JUP: variants seen among roughly 807,000 people sequenced by gnomAD.
JUP encodes the protein catenin (cadherin-associated protein), gamma 80kDa.
In JUP, 28 loss-of-function variants were observed where a neutral mutation model predicts 71.1. The observed-to-expected ratio is 0.39, with a 90% confidence interval of 0.29 to 0.54. The LOEUF is 0.54. Among genes scored for constraint, JUP ranks in the 20% least tolerant of loss-of-function variants. JUP has a pLI of 0.62. For synonymous variants in JUP, 401 were observed against 438.9 expected (o/e 0.91, Z 1.08); for missense variants, 869 against 1,030.1 (o/e 0.84, Z 2.14).
Position 41,755,197 on chromosome 17 carries a change from C to T in JUP, c.*547G>A. ...TTGCTGGGGGAAAACAGAATGGGTA[C>T]TTGAGTCTGAAGCTTTAGTGGCCAG... On this transcript the variant is annotated 3_prime_UTR_variant, in exon 14 of 14. Transcript: ENST00000393931. 5.0e-6 allele frequency: 2 copies of T among 398,550 alleles called. No individual in the cohort carries two copies. Among genetic ancestry groups the T allele is most frequent in the Admixed American group, 4.4e-5 (1 of 22,728 alleles). 24.7% of individuals were successfully genotyped at this position (398,550 alleles called of 1,614,324 possible).
chr17:41,758,685 G>T, intron 9 of JUP, 30 bp downstream of exon 9: 1 of 1,596,206 alleles, frequency 6.3e-7, no homozygotes, highest in Non-Finnish European at 8.5e-7. Context: ...CCCCCAGGAA[G>T]GCTGTCAGAG....
chr17:41,772,769 T>C, intron 1 of JUP: 1 of 981,276 alleles, frequency 1.0e-6, no homozygotes, highest in African/African-American at 1.7e-5. Context: ...CTGTGGGTGG[T>C]CACTGCCGTC....
At chr17:41,783,283 G>A (rs927117904) in intron 1 of JUP, among the ~76,000 whole-genome samples, 1 of 117,076 alleles carries the variant, frequency 8.5e-6, no homozygotes, top group African/African-American at 3.4e-5. Context: ...ATAATGATAC[G>A]CGTTTTTTTT....
rs1409727547 is a variant in JUP at position 41,758,763 on chromosome 17, G to A, written c.1605C>T (p.His535=). 3 of 1,609,130 alleles carry A rather than the reference G, an allele frequency of 1.9e-6. No homozygotes were observed. The African/African-American group carries it at 4.0e-5, about 21-fold the overall frequency. ...PRLVQLLVKA[H]QDAQRHVAAG... Reference sequence around the variant, plus strand: ...CAGCTACGTGGCGCTGGGCATCCTGGTGGGCCTTCACCAGCAGTTGGACGA... The same window carrying A: ...CAGCTACGTGGCGCTGGGCATCCTGATGGGCCTTCACCAGCAGTTGGACGA... Residue 535 remains histidine, a synonymous_variant, in exon 9 of 14, where the codon CAC becomes CAT. Coordinates refer to ENST00000393931, the MANE Select transcript of JUP (RefSeq NM_002230.4).
At chr17:41,759,791 C>T (rs1438850751) in intron 8 of JUP, among the ~76,000 whole-genome samples, 1 of 152,132 alleles carries the variant, frequency 6.6e-6, no homozygotes, top group Non-Finnish European at 1.5e-5. Flanking sequence ...AAATGACTTG[C>T]CAAAGTCACT....
At chr17:41,772,850 G>T in intron 1 of JUP, 1 of 985,448 alleles carries the variant, frequency 1.0e-6, no homozygotes, top group South Asian at 4.7e-5. Context: ...GCCGAACTTT[G>T]TACCAGGGAG....
chr17:41,770,319 T>C (rs1555606330), intron 2 of JUP, among the ~76,000 whole-genome samples: 1 of 152,152 alleles, frequency 6.6e-6, no homozygotes, highest in Admixed American at 6.5e-5. Context: ...CAGGTTCCTC[T>C]CTAGCTTCCA....
Position 41,755,375 on chromosome 17 carries a change from C to T in JUP, c.*369G>A, listed in dbSNP as rs1490293571. On this transcript the variant is annotated 3_prime_UTR_variant, in exon 14 of 14. Transcript: ENST00000393931. ...TACACCCCGGCTTCCCCAGCTCAGGCACTTTTCTGTCTTGCCCCATCGCCT... is the reference window on the plus strand; with the variant it reads ...TACACCCCGGCTTCCCCAGCTCAGGTACTTTTCTGTCTTGCCCCATCGCCT... The T allele has an allele frequency of 4.9e-6, 2 of 405,144 alleles. No individual in the cohort carries two copies. Among genetic ancestry groups the T allele is most frequent in the Admixed American group, 4.2e-5 (1 of 23,728 alleles). The allele number at this position is 405,144 out of a possible 1,614,324, so 25.1% of individuals were successfully genotyped here.
intron 1 of JUP, among the ~76,000 whole-genome samples, chr17:41,780,375 G>C (rs2047100458): frequency 6.6e-6 from 1 of 151,732 alleles, no homozygotes; most frequent in African/African-American, 2.4e-5. Context: ...CTAGCCTAAG[G>C]GACAGAGCGA....
intron 1 of JUP, chr17:41,786,242 G>A (rs35500915): frequency 0.54 from 81,728 of 151,990 alleles, 22,401 homozygotes; most frequent in Middle Eastern, 0.69. Context: ...CTGGGACGCA[G>A]TCGAAGCAGA....
intron 7 of JUP, among the ~76,000 whole-genome samples, chr17:41,763,763 C>A (rs1242839946): frequency 6.6e-6 from 1 of 152,218 alleles, no homozygotes; most frequent in East Asian, 1.9e-4. Context: ...CGCTTGTCAC[C>A]TTTCTGGGCC....
Position 41,758,794 on chromosome 17 carries a change from G to C in JUP, c.1574C>G (p.Pro525Arg), listed in dbSNP as rs781932589. 6.2e-7 allele frequency: 1 copy of C among 1,611,884 alleles called. No homozygotes were observed. Among genetic ancestry groups the C allele is most frequent in the South Asian group, 1.1e-5 (1 of 90,726 alleles). ...CTTCACCAGCAGTTGGACGAGGCGG[G>C]GGATGACCGCTGCCTCCTGCAGCGG... ...HAPLQEAAVI[P>R]RLVQLLVKAH... is the part of the protein sequence containing the mutation. Residue 525 changes from proline (P) to arginine (R), a missense_variant, in exon 9 of 14, where the codon CCC becomes CGC. Pro to Arg is a moderately radical substitution (Grantham distance 103, BLOSUM62 -2). Coordinates refer to ENST00000393931, the MANE Select transcript of JUP (RefSeq NM_002230.4).
At position 41,762,963 on chromosome 17, in the gene JUP, CCCTCGCCTAACAGCAGTA is replaced by C; in HGVS notation, c.1497+2_1497+19del. 1.2e-6 allele frequency: 2 copies of C among 1,609,936 alleles called. No individual in the cohort carries two copies. Among genetic ancestry groups the C allele is most frequent in the Non-Finnish European group, 1.7e-6 (2 of 1,177,302 alleles). ...TAAGCCTGCTGCAGGGAGCTCCTTC[CCCTCGCCTAACAGCAGTA>C]CCTTGACCAGTGGCCACTGGTTGGG... On this transcript the variant is annotated splice_donor_variant and splice_donor_5th_base_variant and intron_variant, in intron 8 of 13. Transcript: ENST00000393931. LOFTEE classifies it high-confidence loss of function.
chr17:41,774,239 T>TG (rs1310115537), intron 1 of JUP, among the ~76,000 whole-genome samples: 65 of 140,390 alleles, frequency 4.6e-4, no homozygotes, highest in Admixed American at 1.3e-3. Flanking sequence ...CATGGGGGGG[T>TG]GGGGGGGTGG....
chr17:41,785,557 C>T (rs535388732), intron 1 of JUP, among the ~76,000 whole-genome samples: 1 of 152,324 alleles, frequency 6.6e-6, no homozygotes, highest in African/African-American at 2.4e-5. Context: ...CAGGTTCAGC[C>T]AGGGGCCGGC....
At chr17:41,763,842 G>A (rs1057307342) in intron 7 of JUP, among the ~76,000 whole-genome samples, 6 of 152,152 alleles carry the variant, frequency 3.9e-5, no homozygotes, top group African/African-American at 1.4e-4. Context: ...TACCTCAGAC[G>A]TCTATCTCAC....
chr17:41,767,050 A>T (rs1302231566), intron 5 of JUP, among the ~76,000 whole-genome samples: 1 of 151,332 alleles, frequency 6.6e-6, no homozygotes, highest in Non-Finnish European at 1.5e-5. Context: ...CTGTCTCAAA[A>T]AAAAAAAAAA....
At position 41,768,985 on chromosome 17, in the gene JUP, G is replaced by C; in HGVS notation, c.691C>G (p.Leu231Val). ...GTTGGGTACCTGAGCATGCGGACCA[G>C]AGCAGGGATGCCACCCGACTTGAAG... ...AIFKSGGIPA[L>V]VRMLSSPVES... The change falls in exon 4 of 14, where the codon CTG (leucine) becomes GTG (valine). Residue 231 changes from leucine (L) to valine (V), a missense_variant. Transcript: ENST00000393931. 6.2e-7 allele frequency: 1 copy of C among 1,606,996 alleles called. No homozygotes were observed. The highest frequency in any genetic ancestry group is 8.5e-7 in the Non-Finnish European group (1 of 1,177,246).
chr17:41,779,091 C>T (rs1555609620), intron 1 of JUP, among the ~76,000 whole-genome samples: 1 of 151,184 alleles, frequency 6.6e-6, no homozygotes, highest in Non-Finnish European at 1.5e-5. Flanking sequence ...AAAAAACTAG[C>T]CAGGCATGGT....
Sources: allele counts gnomAD v4.1 joint callset (sites outside exome capture counted in the v4.1 genomes callset), GRCh38; gene constraint gnomAD v4.1.1; transcripts MANE v1.5; gene names NCBI Gene and HGNC (gene_info 2026-07-23, HGNC 2026-07-21).